Variants in SPIDR observed in about 807,000 individuals in gnomAD.
SPIDR encodes the protein scaffold protein involved in DNA repair.
A neutral mutation model predicts 104.6 loss-of-function variants in SPIDR; 93 were observed. The ratio of observed to expected loss-of-function variants is 0.89; its 90% CI spans 0.75 to 1.06. SPIDR has a LOEUF of 1.06. Ranked by LOEUF, SPIDR falls within the 50% of genes least tolerant of loss-of-function variation. The pLI, the probability that SPIDR is intolerant of heterozygous loss-of-function variation, is 0.00. For missense variants in SPIDR, 1,154 were observed against 1,111.2 expected (o/e 1.04, Z -0.55); for synonymous variants, 431 against 416.9 (o/e 1.03, Z -0.41).
intron 16 of SPIDR, among the ~76,000 whole-genome samples, chr8:47,725,111 G>T (rs979683090): frequency 6.6e-6 from 1 of 152,216 alleles, no homozygotes; most frequent in African/African-American, 2.4e-5. Context: ...GAGGAAGAGG[G>T]TATAGCAGAG....
At chr8:47,581,001 GGAA>G (rs1402457820) in intron 8 of SPIDR, among the ~76,000 whole-genome samples, 1 of 152,170 alleles carries the variant, frequency 6.6e-6, no homozygotes, top group African/African-American at 2.4e-5. Context: ...CCAGGAAACT[GGAA>G]GAAGGAATGA....
chr8:47,484,083 C>T (rs1220694225), intron 8 of SPIDR, among the ~76,000 whole-genome samples: 2 of 152,016 alleles, frequency 1.3e-5, no homozygotes, highest in Non-Finnish European at 2.9e-5. Context: ...CTCAGGTTTC[C>T]ATAGCTGGGG....
intron 5 of SPIDR, among the ~76,000 whole-genome samples, chr8:47,372,067 C>A (rs115988740): frequency 3.0e-4 from 45 of 152,270 alleles, no homozygotes; most frequent in African/African-American, 1.1e-3. Context: ...GTCACCTCTT[C>A]TGGGAAGACT....
chr8:47,666,035 A>G (rs1300630361), intron 10 of SPIDR, among the ~76,000 whole-genome samples: 1 of 152,216 alleles, frequency 6.6e-6, no homozygotes, highest in Non-Finnish European at 1.5e-5. Flanking sequence ...GTCACTTTAA[A>G]AATTCATCAC....
intron 8 of SPIDR, among the ~76,000 whole-genome samples, chr8:47,452,039 A>G (rs1285312420): frequency 1.3e-5 from 2 of 152,124 alleles, no homozygotes; most frequent in African/African-American, 2.4e-5. Context: ...ATTTGATGAA[A>G]ATCTTTAATG....
intron 5 of SPIDR, among the ~76,000 whole-genome samples, chr8:47,358,899 C>G (rs1484902106): frequency 1.3e-5 from 2 of 152,008 alleles, no homozygotes; most frequent in East Asian, 1.9e-4. Context: ...TGATTTTTCT[C>G]TCTATTAATA....
Position 47,701,825 on chromosome 8 carries a change from C to T in SPIDR, c.1878C>T (p.Tyr626=). The change falls in exon 13 of 20, where the codon TAC becomes TAT. Residue 626 remains tyrosine, a synonymous_variant. Coordinates refer to ENST00000297423, the MANE Select transcript of SPIDR (RefSeq NM_001080394.4). ...IIDEDPIYKL[Y]QPPVTRCLRD... ...ACGAAGACCCCATTTATAAGCTTTA[C>T]CAGCCTCCAGTTACCCGCTGCTTAA... The T allele has an allele frequency of 6.2e-7, 1 of 1,614,158 alleles. No individual in the cohort carries two copies. Among genetic ancestry groups the T allele is most frequent in the Non-Finnish European group, 8.5e-7 (1 of 1,180,036 alleles).
chr8:47,413,355 T>G (rs1302491749), intron 7 of SPIDR, among the ~76,000 whole-genome samples: 1 of 152,368 alleles, frequency 6.6e-6, no homozygotes, highest in South Asian at 2.1e-4. Context: ...GGTGACTTGC[T>G]CTGATTATCT....
At chr8:47,362,955 T>G (rs913186155) in intron 5 of SPIDR, among the ~76,000 whole-genome samples, 1 of 151,928 alleles carries the variant, frequency 6.6e-6, no homozygotes, top group Non-Finnish European at 1.5e-5. Flanking sequence ...GCCCAGCCAG[T>G]GTTCTTTTTT....
At chr8:47,626,337 C>T (rs1376800001) in intron 10 of SPIDR, among the ~76,000 whole-genome samples, 1 of 152,042 alleles carries the variant, frequency 6.6e-6, no homozygotes, top group Non-Finnish European at 1.5e-5. Context: ...GGCAAGGACT[C>T]CATGACTAAA....
chr8:47,334,144 T>A (rs2049270349), intron 5 of SPIDR, among the ~76,000 whole-genome samples: 1 of 152,234 alleles, frequency 6.6e-6, no homozygotes, highest in Non-Finnish European at 1.5e-5. Flanking sequence ...AGATGTTATA[T>A]AATTTCTGTT....
intron 11 of SPIDR, among the ~76,000 whole-genome samples, chr8:47,677,352 T>G (rs1055810909): frequency 6.6e-6 from 1 of 152,222 alleles, no homozygotes; most frequent in Non-Finnish European, 1.5e-5. Context: ...GAAAAGAAAT[T>G]CCCTGAAATA....
chr8:47,559,500 A>G (rs1050441550), intron 8 of SPIDR, among the ~76,000 whole-genome samples: 3 of 152,206 alleles, frequency 2.0e-5, no homozygotes, highest in Non-Finnish European at 4.4e-5. Context: ...CCAGTTACCC[A>G]GGCCTTTGCT....
chr8:47,676,054 G>C (rs1289181562), intron 11 of SPIDR, among the ~76,000 whole-genome samples: 1 of 152,176 alleles, frequency 6.6e-6, no homozygotes, highest in East Asian at 1.9e-4. Context: ...AAATACTGCT[G>C]GGGAAGGACA....
At chr8:47,408,436 A>C (rs1021707479) in intron 7 of SPIDR, among the ~76,000 whole-genome samples, 1 of 152,102 alleles carries the variant, frequency 6.6e-6, no homozygotes, top group Non-Finnish European at 1.5e-5. Context: ...CTCTTAGCAA[A>C]ATTTTAAGAA....
chr8:47,434,371 T>G (rs1554690947), intron 7 of SPIDR, among the ~76,000 whole-genome samples: 1 of 152,070 alleles, frequency 6.6e-6, no homozygotes, highest in Non-Finnish European at 1.5e-5. Context: ...GGTGGACACT[T>G]GATGAATTGA....
At chr8:47,621,115 C>T (rs988046477) in intron 10 of SPIDR, among the ~76,000 whole-genome samples, 5 of 151,448 alleles carry the variant, frequency 3.3e-5, no homozygotes, top group Non-Finnish European at 7.4e-5. Context: ...CACCACCATG[C>T]CCAGCTAATT....
intron 7 of SPIDR, among the ~76,000 whole-genome samples, chr8:47,434,519 A>G (rs2067930804): frequency 6.6e-6 from 1 of 152,320 alleles, no homozygotes; most frequent in Non-Finnish European, 1.5e-5. Flanking sequence ...GAAAATTCCA[A>G]ATTACCATGG....
intron 7 of SPIDR, among the ~76,000 whole-genome samples, chr8:47,408,409 T>C (rs1394340554): frequency 2.0e-5 from 3 of 152,190 alleles, no homozygotes; most frequent in African/African-American, 7.2e-5. Context: ...ACAGGCTTTT[T>C]CCACCGTGCC....
Sources: gnomAD v4.1 joint callset for allele counts (sites outside exome capture counted in the v4.1 genomes callset) on GRCh38, gnomAD v4.1.1 for gene constraint, MANE v1.5 for transcripts, NCBI Gene and HGNC (gene_info 2026-07-23, HGNC 2026-07-21) for gene names.